The following ADAM17 variants were observed in gnomAD, a reference collection of about 807,000 sequenced individuals.
ADAM17 encodes ADAM metallopeptidase domain 17, also known as disintegrin and metalloproteinase domain-containing protein 17.
Under a neutral mutation model 96.7 loss-of-function variants are expected in ADAM17, and 39 were observed. That is an observed-to-expected ratio of 0.40 (90% CI 0.31 to 0.53). ADAM17 has a LOEUF of 0.53. Ranked by LOEUF, ADAM17 falls within the 20% of genes least tolerant of loss-of-function variation. The pLI, the probability that ADAM17 is intolerant of heterozygous loss-of-function variation, is 0.44. For missense variants in ADAM17, 777 were observed against 1,013.2 expected, an observed-to-expected ratio of 0.77 and a Z score of 3.17; for synonymous variants, 344 against 359.2, an observed-to-expected ratio of 0.96 and a Z score of 0.48.
intron 1 of ADAM17, among the ~76,000 whole-genome samples, chr2:9,554,630 A>G (rs1665685672): frequency 6.6e-6 from 1 of 152,216 alleles, no homozygotes; most frequent in Non-Finnish European, 1.5e-5. Flanking sequence ...ACACTTTATT[A>G]CTAATTAAAG....
chr2:9,511,855 C>G (rs60196069), intron 10 of ADAM17, among the ~76,000 whole-genome samples: 9,706 of 151,920 alleles, frequency 0.064, 1,099 homozygotes, highest in African/African-American at 0.22. Context: ...CCTGTAATCG[C>G]AGCTATTTGG....
chr2:9,508,548 T>C, intron 11 of ADAM17, among the ~76,000 whole-genome samples: 1 of 152,252 alleles, frequency 6.6e-6, no homozygotes, highest in East Asian at 1.9e-4. Flanking sequence ...ATTTCCATCC[T>C]TCCAGTAATC....
chr2:9,494,605 T>G (rs1662420007), intron 15 of ADAM17, 32 bp downstream of exon 15: 1 of 1,608,076 alleles, frequency 6.2e-7, no homozygotes, highest in African/African-American at 1.3e-5. Flanking sequence ...CCTATCTGGC[T>G]GTTACAGAAA....
chr2:9,504,634 G>A (rs531699487), intron 12 of ADAM17, among the ~76,000 whole-genome samples: 9 of 148,984 alleles, frequency 6.0e-5, no homozygotes, highest in South Asian at 2.1e-4. Flanking sequence ...ATGGTGGTGC[G>A]TGCCTGTAGT....
intron 18 of ADAM17, 129 bp from the exon 19 acceptor site, chr2:9,490,647 G>C: frequency 1.0e-6 from 1 of 1,001,740 alleles, no homozygotes; most frequent in East Asian, 2.6e-5. Flanking sequence ...AAAGTGCTAG[G>C]TGAGGCTCAC....
intron 1 of ADAM17, among the ~76,000 whole-genome samples, chr2:9,545,822 G>A (rs1572960223): frequency 6.6e-6 from 1 of 152,056 alleles, no homozygotes; most frequent in Non-Finnish European, 1.5e-5. Context: ...GGCTGAGGGC[G>A]GTGGCTCGCT....
chr2:9,502,086 C>G (rs1663037895), intron 13 of ADAM17, 87 bp downstream of exon 13: 1 of 1,190,808 alleles, frequency 8.4e-7, no homozygotes, highest in East Asian at 2.4e-5. Context: ...TAAGGTGTCT[C>G]TCATCTGAAC....
intron 4 of ADAM17, among the ~76,000 whole-genome samples, chr2:9,531,030 T>C (rs959146378): frequency 9.2e-5 from 14 of 152,150 alleles, no homozygotes; most frequent in African/African-American, 3.1e-4. Flanking sequence ...CGATCTCAGC[T>C]CACTGCAACC....
At chr2:9,518,696 T>C (rs950975272) in intron 8 of ADAM17, among the ~76,000 whole-genome samples, 1 of 152,192 alleles carries the variant, frequency 6.6e-6, no homozygotes, top group Non-Finnish European at 1.5e-5. Context: ...TAATATATTG[T>C]CATTTATATA....
rs184817845 is a variant in ADAM17, at chr2:9,553,384, A to C, written c.97+2125T>G. ...CCTTCAAATATTTCGTTTAAAAAAAAAAAAAGAGGCCGGGCCTGGTGGCTC... is the reference window on the plus strand; with the variant it reads ...CCTTCAAATATTTCGTTTAAAAAAACAAAAAGAGGCCGGGCCTGGTGGCTC... On this transcript the variant is annotated intron_variant, in intron 1 of 18. Transcript: ENST00000310823. 1.2e-3 allele frequency among the ~76,000 whole-genome samples: 176 copies of C among 152,260 alleles called. 2 individuals are homozygous for C. The highest frequency in any genetic ancestry group is 4.0e-3 in the African/African-American group (167 of 41,562).
At position 9,490,524 on chromosome 2, in the gene ADAM17, A is replaced by AAGAC; in HGVS notation, c.2134-10_2134-7dup. 1 of 1,608,472 alleles carries AAGAC rather than the reference A, an allele frequency of 6.2e-7. No homozygotes were observed. Among genetic ancestry groups the AAGAC allele is most frequent in the Non-Finnish European group, 8.5e-7 (1 of 1,176,060 alleles). On this transcript the variant is annotated splice_region_variant and splice_polypyrimidine_tract_variant and intron_variant, in intron 18 of 18. Coordinates refer to ENST00000310823, the MANE Select transcript of ADAM17 (RefSeq NM_003183.6). ...CTGCTCAGCATTTCGACGTTCTGCAAAGACATGGGTTCAATTGATTGATAG... is the reference window on the plus strand; with the variant it reads ...CTGCTCAGCATTTCGACGTTCTGCAAAGACAGACATGGGTTCAATTGATTGATAG...
intron 1 of ADAM17, among the ~76,000 whole-genome samples, chr2:9,551,922 C>T (rs778573203): frequency 8.5e-5 from 13 of 152,086 alleles, no homozygotes; most frequent in Non-Finnish European, 1.3e-4. Context: ...AATAAGTAAT[C>T]GTTTTGTTAT....
intron 11 of ADAM17, among the ~76,000 whole-genome samples, chr2:9,505,846 T>A (rs924417433): frequency 6.6e-6 from 1 of 152,210 alleles, no homozygotes; most frequent in Non-Finnish European, 1.5e-5. Flanking sequence ...GCTACTTATA[T>A]GGATGATCCA....
At chr2:9,493,076 T>C in intron 16 of ADAM17, 90 bp from the exon 17 acceptor site, 1 of 1,061,206 alleles carries the variant, frequency 9.4e-7, no homozygotes. Context: ...TTGTGTCAAA[T>C]GCCAGAGCTG....
Position 9,489,374 on chromosome 2 carries a change from CT to C in ADAM17, c.*802del, listed in dbSNP as rs1421530319. The C allele has an allele frequency of 6.7e-6, 1 of 150,014 alleles. No homozygotes were observed. Among genetic ancestry groups the C allele is most frequent in the African/African-American group, 2.5e-5 (1 of 40,308 alleles). 9.3% of individuals were successfully genotyped at this position (150,014 alleles called of 1,614,324 possible). A position where few individuals can be genotyped will look rare whatever the true frequency, so the allele number is the denominator to read the frequency against. On this transcript the variant is annotated 3_prime_UTR_variant, in exon 19 of 19. Transcript: ENST00000310823. ...CTGGGATTACAGGCATGAGCCACCACTCCCAGCCAATAGTGAATTTTCTAAG... is the reference window on the plus strand; with the variant it reads ...CTGGGATTACAGGCATGAGCCACCACCCCAGCCAATAGTGAATTTTCTAAG...
At chr2:9,510,623 C>G (rs1663684023) in intron 10 of ADAM17, among the ~76,000 whole-genome samples, 1 of 150,360 alleles carries the variant, frequency 6.7e-6, no homozygotes, top group Non-Finnish European at 1.5e-5. Flanking sequence ...GAGATCACGC[C>G]ATTGCACTCC....
chr2:9,517,504 G>C (rs922411685), intron 10 of ADAM17, among the ~76,000 whole-genome samples: 1 of 152,178 alleles, frequency 6.6e-6, no homozygotes. Context: ...GGAAGCTCCT[G>C]CAAGATACAC....
chr2:9,493,582 T>C (rs1662330274), intron 16 of ADAM17, among the ~76,000 whole-genome samples, 165 bp downstream of exon 16: 1 of 152,254 alleles, frequency 6.6e-6, no homozygotes, highest in Non-Finnish European at 1.5e-5. Context: ...AGACTATCTA[T>C]GAGTTCATTT....
chr2:9,490,926 A>G (rs771763856), intron 18 of ADAM17, among the ~76,000 whole-genome samples, 175 bp downstream of exon 18: 3 of 152,206 alleles, frequency 2.0e-5, no homozygotes, highest in Non-Finnish European at 4.4e-5. Flanking sequence ...CATGCAACTA[A>G]TCGAAGTTCA....
Sources: allele counts gnomAD v4.1 joint callset (sites outside exome capture counted in the v4.1 genomes callset), GRCh38; gene constraint gnomAD v4.1.1; transcripts MANE v1.5; gene names NCBI Gene and HGNC (gene_info 2026-07-23, HGNC 2026-07-21).